NALCN: variants seen among roughly 807,000 people sequenced by gnomAD.
NALCN encodes sodium leak channel, non-selective.
In NALCN, 111 loss-of-function variants were observed where a neutral mutation model predicts 225.3. The ratio of observed to expected loss-of-function variants is 0.49; its 90% CI spans 0.42 to 0.58. The LOEUF is 0.58. NALCN is among the 20% of genes least tolerant of loss of function. NALCN has a pLI of 0.00. For missense variants in NALCN, 1,378 were observed against 2,202.4 expected (o/e 0.63, Z 7.49); for synonymous variants, 764 against 769.0 (o/e 0.99, Z 0.11).
At chr13:101,312,138 T>G (rs1594654502) in intron 7 of NALCN, among the ~76,000 whole-genome samples, 1 of 152,218 alleles carries the variant, frequency 6.6e-6, no homozygotes, top group East Asian at 1.9e-4. Context: ...ATTTTCTAGT[T>G]TATTTGCGTA....
intron 10 of NALCN, among the ~76,000 whole-genome samples, chr13:101,265,551 C>G (rs915043937): frequency 2.0e-5 from 3 of 152,168 alleles, no homozygotes; most frequent in Non-Finnish European, 4.4e-5. Context: ...GGGCTTCTCA[C>G]GCAATTAAAA....
rs762414476 is a variant in NALCN at position 101,292,015 on chromosome 13, C to T, written c.1022G>A (p.Ser341Asn). ...CTGGGTGGTGGCTGTTGAGGTAGTGCTGCTTCTCGATCCCCACATTTGTTG... is the reference window on the plus strand; with the variant it reads ...CTGGGTGGTGGCTGTTGAGGTAGTGTTGCTTCTCGATCCCCACATTTGTTG... ...QFQQMWGSRSSTTSTATTQMF... is the reference protein window; with the variant it reads ...QFQQMWGSRSNTTSTATTQMF... The change falls in exon 9 of 44, where the codon AGC becomes AAC. Residue 341 changes from serine (S) to asparagine (N), a missense_variant. Around this residue, in one of 19 missense-constraint regions of NALCN, gnomAD observed 144 missense variants for 187.7 expected, o/e 0.77. Coordinates refer to ENST00000251127, the MANE Select transcript of NALCN (RefSeq NM_052867.4). This position sits in a 1 kb window ranked among gnomAD's most constrained non-coding sequence, Gnocchi z 4.3. 6.2e-7 allele frequency: 1 copy of T among 1,614,072 alleles called. No homozygotes were observed. Among genetic ancestry groups the T allele is most frequent in the Non-Finnish European group, 8.5e-7 (1 of 1,180,006 alleles).
In NALCN at chr13:101,359,113, G is replaced by A. The variant is rs551775454; in HGVS notation, c.645-13693C>T. Among the ~76,000 whole-genome samples, 94 of 152,252 alleles carry A rather than the reference G, an allele frequency of 6.2e-4. 1 individual carries two copies. The highest frequency in any genetic ancestry group is 2.1e-3 in the African/African-American group (88 of 41,550). On this transcript the variant is annotated intron_variant, in intron 6 of 43. Coordinates refer to ENST00000251127, the MANE Select transcript of NALCN (RefSeq NM_052867.4). ...AAACATAGATGATGGGTTGACAGGTGCAGCAAACCACCATGGCACATGTAT... is the reference window on the plus strand; with the variant it reads ...AAACATAGATGATGGGTTGACAGGTACAGCAAACCACCATGGCACATGTAT...
At chr13:101,248,722 T>G (rs1409315128) in intron 11 of NALCN, among the ~76,000 whole-genome samples, 1 of 152,200 alleles carries the variant, frequency 6.6e-6, no homozygotes, top group African/African-American at 2.4e-5. Context: ...AAGTTTCACA[T>G]GTAGGACTCT....
At chr13:101,153,203 C>T (rs778356869) in intron 15 of NALCN, among the ~76,000 whole-genome samples, 2 of 152,288 alleles carry the variant, frequency 1.3e-5, no homozygotes, top group South Asian at 2.1e-4. Context: ...AAATGAGGAT[C>T]TTTAGTCTTT....
At chr13:101,221,248 A>T (rs1220362992) in intron 13 of NALCN, among the ~76,000 whole-genome samples, 1 of 151,930 alleles carries the variant, frequency 6.6e-6, no homozygotes, top group Non-Finnish European at 1.5e-5. Flanking sequence ...CCTCCTGAGT[A>T]GCTGGGATTA....
At chr13:101,083,618 C>A (rs1015569784) in intron 31 of NALCN, 93 bp downstream of exon 31, 31 of 1,221,694 alleles carry the variant, frequency 2.5e-5, no homozygotes, top group Non-Finnish European at 3.6e-5. Flanking sequence ...CTCCCAGCGG[C>A]CTCACGATTA....
chr13:101,055,577 A>ATACTT, intron 43 of NALCN, 89 bp from the exon 44 acceptor site: 2 of 1,184,880 alleles, frequency 1.7e-6, no homozygotes, highest in East Asian at 4.9e-5. Flanking sequence ...CCCATCAGTG[A>ATACTT]TACTTTTGGC....
intron 14 of NALCN, chr13:101,180,930 A>G (rs2039187286): frequency 2.4e-6 from 1 of 410,862 alleles, no homozygotes; most frequent in East Asian, 5.8e-5. Context: ...GTGAAAGAAA[A>G]TTGGAGAGCG....
rs16958609 is a variant in NALCN at position 101,191,773 on chromosome 13, T to C, written c.1764+144A>G. 0.011 allele frequency: 8,049 copies of C among 714,270 alleles called. 500 individuals are homozygous for C. The African/African-American group carries it at 0.14, about 12-fold the overall frequency. The allele number at this position is 714,270 out of a possible 1,614,324, so 44.2% of individuals were successfully genotyped here. ...TTCTTTGATGTGTAGAAACTTAGAA[T>C]GGAAGGAGGGATCTCATCCAACCAG... On this transcript the variant is annotated intron_variant, in intron 14 of 43. Coordinates refer to ENST00000251127, the MANE Select transcript of NALCN (RefSeq NM_052867.4).
At chr13:101,326,706 T>A (rs892816143) in intron 7 of NALCN, among the ~76,000 whole-genome samples, 1 of 152,216 alleles carries the variant, frequency 6.6e-6, no homozygotes, top group Non-Finnish European at 1.5e-5. Context: ...AACAAATCAC[T>A]GCAAAATATG....
At chr13:101,316,353 C>T (rs2044554376) in intron 7 of NALCN, among the ~76,000 whole-genome samples, 1 of 152,118 alleles carries the variant, frequency 6.6e-6, no homozygotes. Context: ...CCTAAGTACC[C>T]AGACATTTTA....
chr13:101,057,904 C>G, intron 43 of NALCN, 35 bp downstream of exon 43: 1 of 1,526,372 alleles, frequency 6.6e-7, no homozygotes, highest in Non-Finnish European at 9.1e-7. Flanking sequence ...CTTTAAAATG[C>G]CTCGATCGCT....
At chr13:101,272,242 T>G (rs2042817851) in intron 10 of NALCN, among the ~76,000 whole-genome samples, 1 of 151,786 alleles carries the variant, frequency 6.6e-6, no homozygotes, top group Non-Finnish European at 1.5e-5. Context: ...TGTATGAGTG[T>G]GTATGTGTGT....
intron 11 of NALCN, among the ~76,000 whole-genome samples, chr13:101,248,639 C>T (rs115442112): frequency 0.012 from 1,755 of 152,222 alleles, 32 homozygotes; most frequent in African/African-American, 0.04. Flanking sequence ...TGGTTCTCAG[C>T]GCTCTGAATA....
chr13:101,142,023 C>T (rs185171282), intron 17 of NALCN, among the ~76,000 whole-genome samples: 2 of 151,534 alleles, frequency 1.3e-5, no homozygotes, highest in Admixed American at 1.3e-4. Context: ...TGTGACCAAG[C>T]TGATATATAT....
At chr13:101,192,830 T>C (rs986850421) in intron 13 of NALCN, among the ~76,000 whole-genome samples, 1 of 152,218 alleles carries the variant, frequency 6.6e-6, no homozygotes, top group Non-Finnish European at 1.5e-5. Context: ...AACTCATGTA[T>C]CCTATACACA....
chr13:101,348,325 G>A (rs1278275428), intron 6 of NALCN, among the ~76,000 whole-genome samples: 3 of 152,036 alleles, frequency 2.0e-5, no homozygotes, highest in African/African-American at 7.2e-5. Context: ...CATAAGCCTG[G>A]GGTGAGACGT....
chr13:101,066,733 C>A (rs1024406705), intron 39 of NALCN, among the ~76,000 whole-genome samples: 5 of 152,116 alleles, frequency 3.3e-5, no homozygotes, highest in Non-Finnish European at 7.4e-5. Context: ...CCTGGGCGGG[C>A]AGGGGTACCA....
Sources: allele counts gnomAD v4.1 joint callset (sites outside exome capture counted in the v4.1 genomes callset), GRCh38; gene constraint gnomAD v4.1.1; regional missense constraint gnomAD v4.1.1; non-coding constraint Gnocchi (gnomAD v3.1); transcripts MANE v1.5; gene names NCBI Gene and HGNC (gene_info 2026-07-23, HGNC 2026-07-21).